MPP7: variants seen among roughly 807,000 people sequenced by gnomAD.
MPP7 encodes the protein MAGUK p55 subfamily member 7.
MPP7 carries 60 observed loss-of-function variants against 76.5 expected under a neutral mutation model. That is an observed-to-expected ratio of 0.78 (90% CI 0.64 to 0.97). MPP7 has a LOEUF of 0.97. MPP7 is among the 50% of genes least tolerant of loss of function. The pLI is 0.00. For synonymous variants in MPP7, 237 were observed against 244.5 expected, an observed-to-expected ratio of 0.97 and a Z score of 0.29; for missense variants, 641 against 694.0, an observed-to-expected ratio of 0.92 and a Z score of 0.86.
At chr10:28,192,579 G>A (rs184358006) in intron 3 of MPP7, among the ~76,000 whole-genome samples, 1 of 152,100 alleles carries the variant, frequency 6.6e-6, no homozygotes, top group African/African-American at 2.4e-5. Context: ...AGTGTGCAGA[G>A]AATCTAAATA....
intron 2 of MPP7, among the ~76,000 whole-genome samples, chr10:28,323,996 G>GAGAT (rs1375854923): frequency 6.6e-6 from 1 of 152,172 alleles, no homozygotes; most frequent in African/African-American, 2.4e-5. Flanking sequence ...ATATCCTAGT[G>GAGAT]AGATGATAAT....
At chr10:28,108,180 T>C (rs1054300237) in intron 11 of MPP7, among the ~76,000 whole-genome samples, 16 of 152,190 alleles carry the variant, frequency 1.1e-4, no homozygotes, top group Admixed American at 7.8e-4. Flanking sequence ...TACTGTAAAC[T>C]TTCTAGACCT....
At chr10:28,118,646 T>C (rs1381406108) in intron 11 of MPP7, 1 of 985,254 alleles carries the variant, frequency 1.0e-6, no homozygotes, top group Non-Finnish European at 1.2e-6. Context: ...TAGCATTCTG[T>C]GACAAGGGTT....
intron 2 of MPP7, among the ~76,000 whole-genome samples, chr10:28,214,603 C>A (rs1838249297): frequency 6.6e-6 from 1 of 152,170 alleles, no homozygotes; most frequent in African/African-American, 2.4e-5. Context: ...GATGAAACCG[C>A]CTTTGCAAAA....
chr10:28,099,195 C>T (rs544130726), intron 11 of MPP7, among the ~76,000 whole-genome samples: 1 of 152,232 alleles, frequency 6.6e-6, no homozygotes, highest in Admixed American at 6.5e-5. Context: ...TAACTCACCA[C>T]CCATACTAAC....
chr10:28,084,950 T>C (rs937236846), intron 12 of MPP7, among the ~76,000 whole-genome samples: 2 of 152,142 alleles, frequency 1.3e-5, no homozygotes, highest in African/African-American at 4.8e-5. Context: ...TAGGGAGACC[T>C]ACATTGGAAA....
intron 13 of MPP7, among the ~76,000 whole-genome samples, chr10:28,062,108 T>G (rs1225235439): frequency 5.3e-5 from 8 of 152,166 alleles, no homozygotes; most frequent in Non-Finnish European, 1.2e-4. Context: ...CGTCTACTTT[T>G]TTCCTGTTAA....
chr10:28,182,907 A>C (rs1250838842), intron 3 of MPP7, among the ~76,000 whole-genome samples: 1 of 152,162 alleles, frequency 6.6e-6, no homozygotes, highest in African/African-American at 2.4e-5. Context: ...GAGAAACCCC[A>C]TCTCTACTAA....
upstream of MPP7, among the ~76,000 whole-genome samples, chr10:28,304,538 A>G (rs1334945292): frequency 6.6e-6 from 1 of 152,212 alleles, no homozygotes; most frequent in South Asian, 2.1e-4. Flanking sequence ...TCTTTGGAGG[A>G]CAGAATAACC....
chr10:28,297,322 A>G (rs138935685), intron 1 of MPP7, among the ~76,000 whole-genome samples: 2,292 of 152,136 alleles, frequency 0.015, 37 homozygotes, highest in East Asian at 0.071. Context: ...CTGGTGGAGG[A>G]TTTTGCCTTG....
chr10:28,094,269 T>C lies in MPP7; in HGVS notation c.953-4428A>G, dbSNP rs1253568333. On this transcript the variant is annotated intron_variant, in intron 11 of 16. Coordinates refer to ENST00000683449, the MANE Select transcript of MPP7 (RefSeq NM_001318170.2). ...GAAGCTTTAGTGCCTTGAACGATAT[T>C]TTACAATGCAAAGGAGCAAAGGCAG... Among the ~76,000 whole-genome samples, 8 of 151,536 alleles carry C rather than the reference T, an allele frequency of 5.3e-5. 2 individuals carry two copies. The East Asian group carries it at 1.5e-3, about 29-fold the overall frequency.
chr10:28,275,602 TCA>T (rs2133060960), intron 1 of MPP7, among the ~76,000 whole-genome samples: 1 of 152,152 alleles, frequency 6.6e-6, no homozygotes, highest in Non-Finnish European at 1.5e-5. Flanking sequence ...AGAAGACATT[TCA>T]CAGTGTTGGC....
At chr10:28,208,970 T>C (rs1445347841) in intron 2 of MPP7, among the ~76,000 whole-genome samples, 2 of 152,064 alleles carry the variant, frequency 1.3e-5, no homozygotes, top group African/African-American at 4.8e-5. Context: ...GAGTGAGTTG[T>C]AGTGAGACCT....
chr10:28,062,911 A>C (rs555335619), intron 13 of MPP7, among the ~76,000 whole-genome samples: 2 of 152,222 alleles, frequency 1.3e-5, no homozygotes, highest in African/African-American at 2.4e-5. Context: ...AAACAGGAGA[A>C]TGTCTTTGCA....
At chr10:28,312,902 C>T (rs1325861808) in intron 2 of MPP7, among the ~76,000 whole-genome samples, 1 of 152,146 alleles carries the variant, frequency 6.6e-6, no homozygotes, top group South Asian at 2.1e-4. Context: ...CCTTGTTCCA[C>T]GTTGAAGATT....
At chr10:28,262,421 G>C (rs1840022852) in intron 1 of MPP7, among the ~76,000 whole-genome samples, 1 of 150,824 alleles carries the variant, frequency 6.6e-6, no homozygotes, top group Non-Finnish European at 1.5e-5. Flanking sequence ...GACTGAACTA[G>C]TAATTTATAA....
At chr10:28,201,038 T>C (rs1049949309) in intron 3 of MPP7, among the ~76,000 whole-genome samples, 12 of 152,132 alleles carry the variant, frequency 7.9e-5, no homozygotes, top group African/African-American at 2.7e-4. Context: ...CCCAAGACCA[T>C]GCCTAATAAA....
rs1170238998 is a variant in MPP7, at chr10:28,120,253, T to A, written c.828A>T (p.Lys276Asn). The part of the protein sequence containing the change: ...SQDDATWWQA[K>N]HEADANPRAG... ...CCCTGGGGTTGGCATCAGCTTCGTG[T>A]TTCGCTTGCCACCAAGTTGCATCAT... The change falls in exon 10 of 17, where the codon AAA (lysine) becomes AAT (asparagine). Residue 276 changes from lysine (K) to asparagine (N), a missense_variant. Lys to Asn is a moderately conservative substitution (Grantham distance 94). Coordinates refer to ENST00000683449, the MANE Select transcript of MPP7 (RefSeq NM_001318170.2). The A allele has an allele frequency of 1.9e-6, 3 of 1,614,050 alleles. No homozygotes were observed. The highest frequency in any genetic ancestry group is 2.2e-5 in the East Asian group (1 of 44,868).
intron 5 of MPP7, among the ~76,000 whole-genome samples, chr10:28,140,984 T>G (rs977523145): frequency 1.3e-5 from 2 of 152,080 alleles, no homozygotes; most frequent in Non-Finnish European, 2.9e-5. Context: ...CAGCACAACT[T>G]TGGTCTCAGG....
Sources: gnomAD v4.1 joint callset for allele counts (sites outside exome capture counted in the v4.1 genomes callset) on GRCh38, gnomAD v4.1.1 for gene constraint, MANE v1.5 for transcripts, NCBI Gene and HGNC (gene_info 2026-07-23, HGNC 2026-07-21) for gene names.